Variants in ROBO2 observed in about 807,000 individuals in gnomAD.
ROBO2 encodes roundabout guidance receptor 2.
A neutral mutation model predicts 160.8 loss-of-function variants in ROBO2; 53 were observed. The ratio of observed to expected loss-of-function variants is 0.33; its 90% confidence interval spans 0.26 to 0.41. The LOEUF is 0.41. Ranked by LOEUF, ROBO2 falls within the 10% of genes least tolerant of loss-of-function variation. ROBO2 has a pLI of 1.00. For synonymous variants in ROBO2, 664 were observed against 611.7 expected (o/e 1.09, Z -1.26); for missense variants, 1,577 against 1,722.4 (o/e 0.92, Z 1.49).
intron 2 of ROBO2, among the ~76,000 whole-genome samples, chr3:76,299,824 A>T (rs1000585014): frequency 2.0e-5 from 3 of 152,140 alleles, no homozygotes; most frequent in Non-Finnish European, 4.4e-5. Flanking sequence ...ACCTACAAAG[A>T]TGGGAGAAAA....
chr3:76,076,404 T>G (rs2068647457), intron 2 of ROBO2, among the ~76,000 whole-genome samples: 1 of 152,212 alleles, frequency 6.6e-6, no homozygotes, highest in Non-Finnish European at 1.5e-5. Flanking sequence ...AACTCACAGT[T>G]GGCTATGGCT....
intron 2 of ROBO2, among the ~76,000 whole-genome samples, chr3:76,303,341 TTGTGTG>T (rs756361457): frequency 4.0e-5 from 6 of 151,008 alleles, no homozygotes; most frequent in African/African-American, 1.5e-4. Context: ...TAAACTTTAA[TTGTGTG>T]TGTGTGTGTG....
intron 2 of ROBO2, among the ~76,000 whole-genome samples, chr3:76,330,441 CTCT>C (rs2073396593): frequency 1.3e-5 from 2 of 152,080 alleles, no homozygotes; most frequent in Non-Finnish European, 2.9e-5. Context: ...TTTATTTTTG[CTCT>C]TCTTGCAGTG....
intron 2 of ROBO2, among the ~76,000 whole-genome samples, chr3:76,838,366 AC>A (rs1463826096): frequency 6.6e-6 from 1 of 152,036 alleles, no homozygotes; most frequent in African/African-American, 2.4e-5. Flanking sequence ...CTTCACATGT[AC>A]CCCAGAACCT....
intron 2 of ROBO2, among the ~76,000 whole-genome samples, chr3:76,292,977 A>T (rs538579089): frequency 1.8e-4 from 27 of 147,162 alleles, no homozygotes; most frequent in East Asian, 9.8e-4. Context: ...TTTTTTTTTT[A>T]AATATAGTGC....
rs931628660 is a variant in ROBO2 at position 77,532,604 on chromosome 3, A to G, written c.934+9702A>G. Among the ~76,000 whole-genome samples the G allele has an allele frequency of 1.4e-4, 21 of 151,954 alleles. 1 individual carries two copies. The highest frequency in any genetic ancestry group is 7.8e-4 in the East Asian group (4 of 5,156). ...CAATTTCACATTTATCAACTTCTCT[A>G]TAATAATTTCAATCATTTTTATTTC... On this transcript the variant is annotated intron_variant, in intron 6 of 25. Transcript: ENST00000461745.
chr3:76,352,747 A>G (rs1400246739), intron 2 of ROBO2, among the ~76,000 whole-genome samples: 1 of 151,976 alleles, frequency 6.6e-6, no homozygotes, highest in Non-Finnish European at 1.5e-5. Flanking sequence ...ACAGAGTTTT[A>G]TTAGAGTTCC....
chr3:76,193,740 A>T (rs1349369455), intron 2 of ROBO2, among the ~76,000 whole-genome samples: 1 of 152,224 alleles, frequency 6.6e-6, no homozygotes, highest in African/African-American at 2.4e-5. Context: ...CTTCCTAGAA[A>T]ATGTTGTGTG....
intron 8 of ROBO2, among the ~76,000 whole-genome samples, chr3:77,553,735 C>T (rs1411379673): frequency 6.6e-6 from 1 of 151,932 alleles, no homozygotes; most frequent in Non-Finnish European, 1.5e-5. Context: ...AAGGCCCTAA[C>T]TGTCTTCAAT....
intron 2 of ROBO2, among the ~76,000 whole-genome samples, chr3:76,415,302 G>T (rs371606047): frequency 1.6e-3 from 243 of 152,226 alleles, no homozygotes; most frequent in Middle Eastern, 0.014. Flanking sequence ...CTAAATGAAG[G>T]GTAACAGAAA....
chr3:76,677,592 C>T (rs573667636), intron 2 of ROBO2, among the ~76,000 whole-genome samples: 59 of 152,180 alleles, frequency 3.9e-4, no homozygotes, highest in Non-Finnish European at 6.8e-4. Context: ...GAGCAGTTGC[C>T]GTAGCCACAG....
intron 1 of ROBO2, among the ~76,000 whole-genome samples, chr3:75,923,717 T>G (rs181068030): frequency 2.3e-4 from 35 of 152,278 alleles, no homozygotes; most frequent in African/African-American, 8.4e-4. Flanking sequence ...GAGTATATGC[T>G]TTAAAAAATA....
chr3:76,743,058 G>A (rs1044194409), intron 2 of ROBO2, among the ~76,000 whole-genome samples: 3 of 152,000 alleles, frequency 2.0e-5, no homozygotes, highest in African/African-American at 7.2e-5. Context: ...TCACAATATG[G>A]CGGCCTACAG....
intron 2 of ROBO2, among the ~76,000 whole-genome samples, chr3:76,012,088 G>T (rs1028072289): frequency 6.6e-6 from 1 of 152,142 alleles, no homozygotes. Context: ...AATTCTTAAA[G>T]ATTAAATTTT....
chr3:76,982,709 G>A (rs1348405546), intron 2 of ROBO2, among the ~76,000 whole-genome samples: 2 of 144,156 alleles, frequency 1.4e-5, no homozygotes, highest in African/African-American at 2.4e-5. Flanking sequence ...TATTTATTTT[G>A]TGACTATGTG....
chr3:76,870,202 C>A (rs1248815399), intron 2 of ROBO2, among the ~76,000 whole-genome samples: 1 of 152,160 alleles, frequency 6.6e-6, no homozygotes, highest in Non-Finnish European at 1.5e-5. Context: ...ATCCCAGAGA[C>A]AAACCGCTAT....
At chr3:76,223,172 G>A (rs966233364) in intron 2 of ROBO2, among the ~76,000 whole-genome samples, 1 of 151,726 alleles carries the variant, frequency 6.6e-6, no homozygotes, top group Non-Finnish European at 1.5e-5. Flanking sequence ...CATGAATTAT[G>A]CTTCGTTTAT....
At chr3:77,454,850 G>A (rs1196663143) in intron 2 of ROBO2, among the ~76,000 whole-genome samples, 1 of 152,074 alleles carries the variant, frequency 6.6e-6, no homozygotes, top group Non-Finnish European at 1.5e-5. Context: ...TCATTTGTTA[G>A]GATACCATAT....
intron 2 of ROBO2, among the ~76,000 whole-genome samples, chr3:76,144,967 TGTGGC>T (rs2071829978): frequency 6.6e-6 from 1 of 152,056 alleles, no homozygotes; most frequent in East Asian, 1.9e-4. Flanking sequence ...GTCATACAGC[TGTGGC>T]TTAAAAAAAA....
Sources: allele counts gnomAD v4.1 joint callset (sites outside exome capture counted in the v4.1 genomes callset), GRCh38; gene constraint gnomAD v4.1.1; transcripts MANE v1.5; gene names NCBI Gene and HGNC (gene_info 2026-07-23, HGNC 2026-07-21).